Variants in DLGAP1 observed in about 807,000 individuals in gnomAD.
DLGAP1 encodes the protein disks large-associated protein 1.
Under a neutral mutation model 90.8 loss-of-function variants are expected in DLGAP1, and 11 were observed. The ratio of observed to expected loss-of-function variants is 0.12; its 90% CI spans 0.08 to 0.20. DLGAP1 has a LOEUF of 0.20. DLGAP1 is among the 10% of genes least tolerant of loss of function. The pLI is 1.00. For missense variants in DLGAP1, 1,050 were observed against 1,333.8 expected, an observed-to-expected ratio of 0.79 and a Z score of 3.31; for synonymous variants, 558 against 540.7, an observed-to-expected ratio of 1.03 and a Z score of -0.44.
intron 2 of DLGAP1, among the ~76,000 whole-genome samples, chr18:4,074,074 A>G (rs1431567578): frequency 6.6e-6 from 1 of 152,172 alleles, no homozygotes; most frequent in Non-Finnish European, 1.5e-5. Flanking sequence ...ATCTTTCTCC[A>G]CAATACTTTA....
intron 7 of DLGAP1, among the ~76,000 whole-genome samples, chr18:3,684,008 C>T (rs908629256): frequency 5.9e-5 from 9 of 151,952 alleles, no homozygotes; most frequent in Non-Finnish European, 1.0e-4. Context: ...GACATTAAGC[C>T]GTCAGTAAGT....
intron 3 of DLGAP1, among the ~76,000 whole-genome samples, chr18:3,910,135 G>A (rs767470814): frequency 6.0e-5 from 9 of 150,044 alleles, no homozygotes; most frequent in Non-Finnish European, 1.2e-4. Context: ...CGGCTATCTA[G>A]TATCCCTGGC....
Position 3,916,626 on chromosome 18 carries a change from T to C in DLGAP1, c.-72-36486A>G, listed in dbSNP as rs190566948. On this transcript the variant is annotated intron_variant, in intron 3 of 12. Coordinates refer to ENST00000315677, the MANE Select transcript of DLGAP1 (RefSeq NM_004746.4). ...TAAACAACAGCATTTACTGAACTGCTACCCTGGAACTCTTCCCTTTAGCTT... is the reference window on the plus strand; with the variant it reads ...TAAACAACAGCATTTACTGAACTGCCACCCTGGAACTCTTCCCTTTAGCTT... 6.6e-5 allele frequency among the ~76,000 whole-genome samples: 10 copies of C among 152,336 alleles called. No individual in the cohort carries two copies. In the East Asian group the frequency reaches 1.5e-3, roughly 23 times the overall value.
At chr18:3,554,763 A>G (rs2053657459) in intron 9 of DLGAP1, among the ~76,000 whole-genome samples, 1 of 152,194 alleles carries the variant, frequency 6.6e-6, no homozygotes, top group Non-Finnish European at 1.5e-5. Context: ...TAAATTTAGA[A>G]GTCTACTCCT....
rs2062819802 is a variant in DLGAP1 at position 3,739,739 on chromosome 18, C to T, written c.1350+2596G>A. ...CATGTATACATATGTAACTAACCTGCACAATGTGCACATGTACCCTAAAAC... is the reference window on the plus strand; with the variant it reads ...CATGTATACATATGTAACTAACCTGTACAATGTGCACATGTACCCTAAAAC... On this transcript the variant is annotated intron_variant, in intron 6 of 12. Transcript: ENST00000315677. Among the ~76,000 whole-genome samples, 3 of 151,720 alleles carry T rather than the reference C, an allele frequency of 2.0e-5. 1 individual carries two copies. The highest frequency in any genetic ancestry group is 2.0e-4 in the Admixed American group (3 of 15,228).
intron 2 of DLGAP1, among the ~76,000 whole-genome samples, chr18:4,103,664 T>C (rs2075815261): frequency 1.3e-5 from 2 of 152,170 alleles, no homozygotes. Context: ...ACATATCTTG[T>C]TCCTAACTTT....
At chr18:4,140,289 T>C (rs1267754026) in intron 2 of DLGAP1, among the ~76,000 whole-genome samples, 1 of 151,980 alleles carries the variant, frequency 6.6e-6, no homozygotes, top group African/African-American at 2.4e-5. Flanking sequence ...GTATGCTTTT[T>C]GTTTTGAGGT....
chr18:4,416,583 C>A (rs2082904996), intron 1 of DLGAP1, among the ~76,000 whole-genome samples: 2 of 152,160 alleles, frequency 1.3e-5, no homozygotes, highest in South Asian at 4.1e-4. Flanking sequence ...TATATACAAA[C>A]CTCTAGAACT....
At chr18:4,418,805 T>C (rs905584635) in intron 1 of DLGAP1, among the ~76,000 whole-genome samples, 1 of 151,700 alleles carries the variant, frequency 6.6e-6, no homozygotes, top group African/African-American at 2.4e-5. Context: ...GAAGAAATCA[T>C]GGCTGTGAAT....
chr18:3,549,891 T>A (rs60994686), intron 9 of DLGAP1, among the ~76,000 whole-genome samples: 6,576 of 152,094 alleles, frequency 0.043, 513 homozygotes, highest in African/African-American at 0.15. Flanking sequence ...AGGACCTTTA[T>A]TTAATTAATT....
chr18:4,307,827 T>C (rs1228123481), intron 1 of DLGAP1, among the ~76,000 whole-genome samples: 1 of 150,794 alleles, frequency 6.6e-6, no homozygotes, highest in Non-Finnish European at 1.5e-5. Context: ...GCTATTTTCC[T>C]GCCTCAGCCT....
intron 1 of DLGAP1, among the ~76,000 whole-genome samples, chr18:4,292,794 G>T (rs2079884372): frequency 1.3e-5 from 2 of 152,116 alleles, no homozygotes; most frequent in South Asian, 4.1e-4. Context: ...AAACAAGTTA[G>T]AAAGTTGGTA....
chr18:3,619,182 C>T (rs1016145201), intron 7 of DLGAP1, among the ~76,000 whole-genome samples: 1 of 152,184 alleles, frequency 6.6e-6, no homozygotes, highest in Non-Finnish European at 1.5e-5. Flanking sequence ...GTTTAAGGCA[C>T]CCCATCTATG....
chr18:3,861,114 G>A (rs1486890729), intron 4 of DLGAP1, among the ~76,000 whole-genome samples: 2 of 152,066 alleles, frequency 1.3e-5, no homozygotes, highest in Admixed American at 1.3e-4. Flanking sequence ...CAACTTCGAC[G>A]CTTATATAGA....
chr18:3,824,796 A>G (rs2067619738), intron 4 of DLGAP1, among the ~76,000 whole-genome samples: 1 of 152,208 alleles, frequency 6.6e-6, no homozygotes, highest in African/African-American at 2.4e-5. Flanking sequence ...AGCTACATTT[A>G]TAACACCTGA....
intron 1 of DLGAP1, among the ~76,000 whole-genome samples, chr18:4,185,081 G>GCCCT (rs1354063882): frequency 2.0e-5 from 3 of 152,018 alleles, no homozygotes; most frequent in Non-Finnish European, 4.4e-5. Context: ...TATTCCCAGG[G>GCCCT]CCCTCGACAG....
rs1415214497 is a variant in DLGAP1 at position 3,534,287 on chromosome 18, A to G, written c.2386T>C (p.Phe796Leu). 1.7e-5 allele frequency: 28 copies of G among 1,614,110 alleles called. No homozygotes were observed. The highest frequency in any genetic ancestry group is 2.4e-5 in the Non-Finnish European group (28 of 1,180,052). ...CGCTCTGCCTGGAGAAGCTTCAGGA[A>G]CCAGTGGCCATCCCGGTGGCACACT... is the stretch of plus-strand genomic sequence containing the variant. ...RSVCHRDGHW[F>L]LKLLQAERDR... Residue 796 changes from phenylalanine (F) to leucine (L), a missense_variant, in exon 10 of 13, where the codon TTC becomes CTC. This residue lies in a region of DLGAP1 where 565 missense variants were observed against 879.7 expected (regional missense o/e 0.64). Coordinates refer to ENST00000315677, the MANE Select transcript of DLGAP1 (RefSeq NM_004746.4).
chr18:3,730,637 C>T (rs2062389485), intron 6 of DLGAP1, among the ~76,000 whole-genome samples: 1 of 152,004 alleles, frequency 6.6e-6, no homozygotes, highest in South Asian at 2.1e-4. Context: ...TGAATACTTA[C>T]TGAAAACTAT....
intron 10 of DLGAP1, among the ~76,000 whole-genome samples, chr18:3,530,725 T>C (rs901114326): frequency 1.3e-5 from 2 of 152,206 alleles, no homozygotes; most frequent in East Asian, 1.9e-4. Flanking sequence ...AAAGACCTAA[T>C]TGTGCTTGGG....
Sources: gnomAD v4.1 joint callset for allele counts (sites outside exome capture counted in the v4.1 genomes callset) on GRCh38, gnomAD v4.1.1 for gene constraint, gnomAD v4.1.1 regional missense constraint, MANE v1.5 for transcripts, NCBI Gene and HGNC (gene_info 2026-07-23, HGNC 2026-07-21) for gene names.